The following RYR3 variants were observed in gnomAD, a reference collection of about 807,000 sequenced individuals.
The protein encoded by RYR3 is brain ryanodine receptor-calcium release channel.
A neutral mutation model predicts 584.3 loss-of-function variants in RYR3; 207 were observed. That is an observed-to-expected ratio of 0.35 (90% confidence interval 0.32 to 0.40). RYR3 has a LOEUF of 0.40. Ranked by LOEUF, RYR3 falls within the 10% of genes least tolerant of loss-of-function variation. The pLI, the probability that RYR3 is intolerant of heterozygous loss-of-function variation, is 1.00. For missense variants in RYR3, 5,616 were observed against 6,089.2 expected, an observed-to-expected ratio of 0.92 and a Z score of 2.59; for synonymous variants, 2,416 against 2,248.5, an observed-to-expected ratio of 1.07 and a Z score of -2.11.
In RYR3 at chr15:33,789,986, CTT is replaced by C. The variant is rs757370991; in HGVS notation, c.9830+1550_9830+1551del. On this transcript the variant is annotated intron_variant, in intron 67 of 103. Transcript: ENST00000634891. Reference sequence around the variant, plus strand: ...GGCGTGAGCCACCACGCCTGGCCTTCTTTTTTTTTTTTTTTTTTTTTTTGAGA... The same window carrying C: ...GGCGTGAGCCACCACGCCTGGCCTTCTTTTTTTTTTTTTTTTTTTTTGAGA... Among the ~76,000 whole-genome samples, 243 of 53,206 alleles carry C rather than the reference CTT, an allele frequency of 4.6e-3. 1 individual carries two copies. Among genetic ancestry groups the C allele is most frequent in the African/African-American group, 0.022 (210 of 9,390 alleles). The allele number at this position is 53,206 out of a possible 152,430, so 34.9% of individuals were successfully genotyped here. A position where few individuals can be genotyped will look rare whatever the true frequency, so the allele number is the denominator to read the frequency against.
chr15:33,387,003 G>GC (rs1305602748), intron 1 of RYR3, among the ~76,000 whole-genome samples: 3 of 151,850 alleles, frequency 2.0e-5, no homozygotes, highest in Non-Finnish European at 4.4e-5. Flanking sequence ...GACTACAGGC[G>GC]CCCACCACCA....
At chr15:33,616,807 T>G (rs1470045652) in intron 19 of RYR3, among the ~76,000 whole-genome samples, 1 of 152,212 alleles carries the variant, frequency 6.6e-6, no homozygotes, top group Non-Finnish European at 1.5e-5. Context: ...ATGTTGTGAT[T>G]TGAAGAGAGG....
chr15:33,726,396 C>T lies in RYR3; in HGVS notation c.6923C>T (p.Thr2308Ile), dbSNP rs2152814879. 1.2e-6 allele frequency: 2 copies of T among 1,613,120 alleles called. No individual in the cohort carries two copies. The highest frequency in any genetic ancestry group is 1.7e-6 in the Non-Finnish European group (2 of 1,179,598). Residue 2308 changes from threonine to isoleucine, a missense_variant, in exon 46 of 104, where the codon ACA becomes ATA. Around this residue, in one of 9 missense-constraint regions of RYR3, gnomAD observed 1,280 missense variants for 1,426.2 expected, o/e 0.90. Transcript: ENST00000634891. ...RCAPEMHLIQ[T>I]GKGEAIRIRS... ...AACCCTATCTTCCAGCTCATCCAGA[C>T]AGGAAAGGGGGAAGCCATCCGCATC... is the stretch of plus-strand genomic sequence containing the variant.
intron 1 of RYR3, among the ~76,000 whole-genome samples, chr15:33,354,760 C>T (rs16969959): frequency 0.073 from 11,081 of 152,204 alleles, 588 homozygotes; most frequent in African/African-American, 0.14. Context: ...TACTATTTTC[C>T]GTGATGCTCA....
chr15:33,511,940 G>A (rs1049730146), intron 3 of RYR3, among the ~76,000 whole-genome samples: 2 of 152,044 alleles, frequency 1.3e-5, no homozygotes, highest in African/African-American at 2.4e-5. Flanking sequence ...CACCACGCCC[G>A]GCTAATTTTT....
intron 38 of RYR3, among the ~76,000 whole-genome samples, chr15:33,691,327 T>C (rs1307697830): frequency 1.3e-5 from 2 of 152,224 alleles, no homozygotes; most frequent in African/African-American, 4.8e-5. Flanking sequence ...CATTTCATTA[T>C]AAAATAGTTT....
intron 94 of RYR3, 141 bp from the exon 95 acceptor site, chr15:33,852,904 C>T (rs1368898692): frequency 7.0e-6 from 5 of 710,818 alleles, no homozygotes; most frequent in Non-Finnish European, 1.2e-5. Context: ...CTCTGAACTT[C>T]AATCAGATCT....
intron 43 of RYR3, among the ~76,000 whole-genome samples, chr15:33,709,937 A>G (rs1332220153): frequency 6.6e-6 from 1 of 152,162 alleles, no homozygotes; most frequent in Non-Finnish European, 1.5e-5. Context: ...AGAGAGCTGT[A>G]AAACTTTTTA....
At chr15:33,477,064 C>T (rs527405176) in intron 2 of RYR3, among the ~76,000 whole-genome samples, 1 of 152,224 alleles carries the variant, frequency 6.6e-6, no homozygotes, top group East Asian at 1.9e-4. Flanking sequence ...ATTCTTGTAT[C>T]CTAATGGAAG....
intron 8 of RYR3, among the ~76,000 whole-genome samples, chr15:33,544,855 G>A (rs1425618361): frequency 7.4e-6 from 1 of 134,308 alleles, no homozygotes; most frequent in African/African-American, 2.5e-5. Flanking sequence ...CCTGGCACTG[G>A]TCCGGCGGTT....
intron 2 of RYR3, among the ~76,000 whole-genome samples, chr15:33,481,391 T>G (rs2049950391): frequency 6.6e-6 from 1 of 152,234 alleles, no homozygotes; most frequent in South Asian, 2.1e-4. Context: ...CTGTTTCTCC[T>G]TTTTTGCCTT....
chr15:33,466,835 C>T (rs2048528738), intron 1 of RYR3, among the ~76,000 whole-genome samples: 1 of 152,146 alleles, frequency 6.6e-6, no homozygotes, highest in Non-Finnish European at 1.5e-5. Context: ...TTTTTCCATT[C>T]AGTTCCAGGT....
chr15:33,859,498 CAT>C, intron 99 of RYR3, 75 bp from the exon 100 acceptor site: 1 of 1,534,436 alleles, frequency 6.5e-7, no homozygotes. Flanking sequence ...CTGACCGAAT[CAT>C]ATGAATGATC....
chr15:33,412,525 C>T lies in RYR3; in HGVS notation c.52-60894C>T, dbSNP rs145285128. On this transcript the variant is annotated intron_variant, in intron 1 of 103. Coordinates refer to ENST00000634891, the MANE Select transcript of RYR3 (RefSeq NM_001036.6). The surrounding 1 kb of genome is among the most constrained non-coding windows in gnomAD (Gnocchi z 4.3). ...TGGCCACGTGCATTGGCAGAAGTCT[C>T]CCTGCCCTCTGGAGAAAGGAGAGGA... Among the ~76,000 whole-genome samples the T allele has an allele frequency of 1.5e-3, 233 of 152,242 alleles. No individual in the cohort carries two copies. The highest frequency in any genetic ancestry group is 0.01 in the Middle Eastern group (3 of 294).
At chr15:33,499,550 A>G (rs1475394358) in intron 2 of RYR3, among the ~76,000 whole-genome samples, 1 of 152,178 alleles carries the variant, frequency 6.6e-6, no homozygotes, top group African/African-American at 2.4e-5. Flanking sequence ...CATATAAGTG[A>G]GTTACTGAGT....
rs190612007 is a variant in RYR3, at chr15:33,700,606, C to T, written c.6380-371C>T. On this transcript the variant is annotated intron_variant, in intron 41 of 103. Transcript: ENST00000634891. ...CTATATGAGCTAATGCTGTTTGATG[C>T]TATTTTTAAACTCTAGGTGGTAGCC... Among the ~76,000 whole-genome samples the T allele has an allele frequency of 2.3e-4, 35 of 152,176 alleles. No homozygotes were observed. In the Middle Eastern group the frequency reaches 0.01, roughly 44 times the overall value.
intron 1 of RYR3, among the ~76,000 whole-genome samples, chr15:33,376,922 A>G (rs1055896525): frequency 2.6e-5 from 4 of 152,198 alleles, no homozygotes; most frequent in African/African-American, 9.6e-5. Context: ...TTGAAAATCA[A>G]TTGACCACAT....
At chr15:33,598,765 A>T (rs1024822455) in intron 16 of RYR3, among the ~76,000 whole-genome samples, 6 of 49,106 alleles carry the variant, frequency 1.2e-4, no homozygotes, top group African/African-American at 3.4e-4. Context: ...AAAAAAAAAT[A>T]GGAGTTGGCT....
chr15:33,488,394 A>AT (rs937465643), intron 2 of RYR3, among the ~76,000 whole-genome samples: 5 of 135,922 alleles, frequency 3.7e-5, no homozygotes, highest in Non-Finnish European at 6.3e-5. Context: ...GATTAGCAGT[A>AT]TTTTTTTTCT....
Sources: allele counts gnomAD v4.1 joint callset (sites outside exome capture counted in the v4.1 genomes callset), GRCh38; gene constraint gnomAD v4.1.1; regional missense constraint gnomAD v4.1.1; non-coding constraint Gnocchi (gnomAD v3.1); transcripts MANE v1.5; gene names NCBI Gene and HGNC (gene_info 2026-07-23, HGNC 2026-07-21).